Variants in NKAIN2 observed in about 807,000 individuals in gnomAD.
NKAIN2 encodes sodium/potassium transporting ATPase interacting 2.
A neutral mutation model predicts 32.6 loss-of-function variants in NKAIN2; 14 were observed. The ratio of observed to expected loss-of-function variants is 0.43; its 90% confidence interval spans 0.28 to 0.67. NKAIN2 has a LOEUF of 0.67. Among genes scored for constraint, NKAIN2 ranks in the 30% least tolerant of loss-of-function variants. The pLI is 0.17. For synonymous variants in NKAIN2, 80 were observed against 87.2 expected (o/e 0.92, Z 0.46); for missense variants, 198 against 258.3 (o/e 0.77, Z 1.60).
rs772386903 is a variant in NKAIN2 at position 124,355,296 on chromosome 6, G to A, written c.222G>A (p.Thr74=). The change falls in exon 3 of 7, where the codon ACG becomes ACA. Residue 74 remains threonine (T), a synonymous_variant. Transcript: ENST00000368417. ...CTGTCTGGCTAGTCCTCTGGGTTAC[G>A]TGGAATGTGTTTGTTATCTGCTTCT... The part of the protein sequence containing the change: ...GYAVWLVLWV[T]WNVFVICFYL... 115 of 1,609,894 alleles carry A rather than the reference G, an allele frequency of 7.1e-5. No homozygotes were observed. Among genetic ancestry groups the A allele is most frequent in the African/African-American group, 2.7e-4 (20 of 74,856 alleles).
At chr6:123,962,489 T>G (rs1481658387) in intron 1 of NKAIN2, among the ~76,000 whole-genome samples, 2 of 152,340 alleles carry the variant, frequency 1.3e-5, no homozygotes, top group South Asian at 2.1e-4. Context: ...TGCTGATGCC[T>G]CTTTGAGCTA....
At chr6:124,292,994 A>G (rs1311002190) in intron 2 of NKAIN2, among the ~76,000 whole-genome samples, 1 of 152,136 alleles carries the variant, frequency 6.6e-6, no homozygotes, top group Non-Finnish European at 1.5e-5. Flanking sequence ...TCCTGAAACT[A>G]GTGATACTTT....
At chr6:124,339,506 C>A (rs1017207742) in intron 2 of NKAIN2, among the ~76,000 whole-genome samples, 1 of 152,066 alleles carries the variant, frequency 6.6e-6, no homozygotes, top group Non-Finnish European at 1.5e-5. Flanking sequence ...GTGGGATTAC[C>A]TGGTTTGTGG....
At chr6:124,388,040 C>T (rs983926848) in intron 3 of NKAIN2, among the ~76,000 whole-genome samples, 2 of 151,966 alleles carry the variant, frequency 1.3e-5, no homozygotes, top group African/African-American at 4.8e-5. Context: ...TGTTAAATAT[C>T]GCCCAATGCA....
chr6:123,905,092 G>A (rs1179409860), intron 1 of NKAIN2, among the ~76,000 whole-genome samples: 1 of 151,968 alleles, frequency 6.6e-6, no homozygotes, highest in Admixed American at 6.6e-5. Flanking sequence ...AAAAAAGTTG[G>A]GTTTTGTCAA....
At position 124,825,488 on chromosome 6, in the gene NKAIN2, T is replaced by C. The variant is rs2114894466; in HGVS notation, c.*2259T>C. On this transcript the variant is annotated 3_prime_UTR_variant, in exon 7 of 7. Transcript: ENST00000368417. ...AATGCTATTTTTCTAGGCTGAGCTT[T>C]TGTTATAAACTTAATATTCAGAAGG... The C allele has an allele frequency of 6.5e-6, 1 of 152,786 alleles. No homozygotes were observed. The highest frequency in any genetic ancestry group is 2.1e-4 in the South Asian group (1 of 4,832). 9.5% of individuals were successfully genotyped at this position (152,786 alleles called of 1,614,324 possible).
At chr6:123,826,007 A>T (rs1774132832) in intron 1 of NKAIN2, among the ~76,000 whole-genome samples, 1 of 152,178 alleles carries the variant, frequency 6.6e-6, no homozygotes, top group Admixed American at 6.6e-5. Context: ...AAAAATAGAT[A>T]ACTACTTTTA....
intron 3 of NKAIN2, among the ~76,000 whole-genome samples, chr6:124,591,256 CT>C (rs1352195552): frequency 6.6e-6 from 1 of 152,234 alleles, no homozygotes; most frequent in Admixed American, 6.5e-5. Context: ...ACTCAAGACT[CT>C]TCTGGCCCGA....
intron 3 of NKAIN2, among the ~76,000 whole-genome samples, chr6:124,521,197 G>A (rs906290996): frequency 2.6e-5 from 4 of 152,054 alleles, no homozygotes; most frequent in Non-Finnish European, 2.9e-5. Context: ...AGACATCGTC[G>A]CCTTGTTCCC....
intron 1 of NKAIN2, among the ~76,000 whole-genome samples, chr6:123,881,108 A>G (rs1315012572): frequency 3.3e-5 from 5 of 151,996 alleles, no homozygotes; most frequent in Non-Finnish European, 7.4e-5. Flanking sequence ...TGCAACCGCC[A>G]CCTCCCCGGT....
At chr6:124,268,706 TATAAC>T (rs1298557498) in intron 1 of NKAIN2, among the ~76,000 whole-genome samples, 1 of 151,050 alleles carries the variant, frequency 6.6e-6, no homozygotes, top group Non-Finnish European at 1.5e-5. Flanking sequence ...TTGTATATAT[TATAAC>T]ATATATATTT....
chr6:124,407,173 G>T (rs543742193), intron 3 of NKAIN2, among the ~76,000 whole-genome samples: 71 of 151,874 alleles, frequency 4.7e-4, no homozygotes, highest in African/African-American at 1.6e-3. Context: ...TTACATTTAG[G>T]TTTATGATTT....
chr6:124,024,805 G>A (rs1337996622), intron 1 of NKAIN2, among the ~76,000 whole-genome samples: 2 of 151,964 alleles, frequency 1.3e-5, no homozygotes, highest in East Asian at 3.9e-4. Context: ...TGGCCAACAT[G>A]GTGAAACCCT....
intron 3 of NKAIN2, among the ~76,000 whole-genome samples, chr6:124,634,864 T>A (rs1467781200): frequency 6.6e-6 from 1 of 151,600 alleles, no homozygotes; most frequent in Non-Finnish European, 1.5e-5. Context: ...AAAATTCAAG[T>A]CACATATAAG....
chr6:124,515,713 C>CGTTTTTTTTT (rs1562232431), intron 3 of NKAIN2, among the ~76,000 whole-genome samples: 1 of 67,736 alleles, frequency 1.5e-5, no homozygotes, highest in African/African-American at 5.2e-5. Flanking sequence ...TTCGCTTTCT[C>CGTTTTTTTTT]TCCGTCTCGC....
chr6:124,213,052 T>C (rs1035815570), intron 1 of NKAIN2, among the ~76,000 whole-genome samples: 5 of 152,184 alleles, frequency 3.3e-5, no homozygotes, highest in African/African-American at 1.2e-4. Flanking sequence ...AGGTCTTCTC[T>C]CTCTGTATCT....
At chr6:123,858,556 A>G (rs932998063) in intron 1 of NKAIN2, among the ~76,000 whole-genome samples, 8 of 152,240 alleles carry the variant, frequency 5.3e-5, no homozygotes, top group African/African-American at 1.9e-4. Context: ...AGAGGAATAC[A>G]GGATAGAGGT....
chr6:124,533,471 CAAAAAAA>C (rs201100605), intron 3 of NKAIN2, among the ~76,000 whole-genome samples: 31 of 58,970 alleles, frequency 5.3e-4, no homozygotes, highest in Non-Finnish European at 7.9e-4. Flanking sequence ...GACTCTGTCT[CAAAAAAA>C]AAAAAAAAAA....
chr6:124,801,516 T>C (rs1198177293), intron 5 of NKAIN2, among the ~76,000 whole-genome samples: 1 of 152,192 alleles, frequency 6.6e-6, no homozygotes, highest in African/African-American at 2.4e-5. Context: ...TCCATGTCAC[T>C]TCACTGTGAT....
Sources: allele counts gnomAD v4.1 joint callset (sites outside exome capture counted in the v4.1 genomes callset), GRCh38; gene constraint gnomAD v4.1.1; transcripts MANE v1.5; gene names NCBI Gene and HGNC (gene_info 2026-07-23, HGNC 2026-07-21).